Variants in CIAO3 observed in about 807,000 individuals in gnomAD.
CIAO3 encodes the protein cytosolic iron-sulfur assembly component 3.
CIAO3 carries 45 observed loss-of-function variants against 51.5 expected under a neutral mutation model. The ratio of observed to expected loss-of-function variants is 0.87; its 90% CI spans 0.69 to 1.12. The LOEUF is 1.12. CIAO3 is among the 50% of genes most tolerant of loss of function. The probability of loss-of-function intolerance (pLI) is 0.00; values close to 1 mark genes in which losing one functional copy is unlikely to be tolerated. For missense variants in CIAO3, 668 were observed against 632.5 expected (o/e 1.06, Z -0.60); for synonymous variants, 314 against 269.3 (o/e 1.17, Z -1.63).
At chr16:738,247 C>T in intron 2 of CIAO3, 1 of 987,942 alleles carries the variant, frequency 1.0e-6, no homozygotes, top group Non-Finnish European at 1.2e-6. Context: ...TGGGCTGGGC[C>T]CCCAGTGCTG....
At chr16:734,083 C>T (rs1189462806) in intron 6 of CIAO3, 146 bp downstream of exon 6, 3 of 725,276 alleles carry the variant, frequency 4.1e-6, no homozygotes, top group Non-Finnish European at 7.2e-6. Flanking sequence ...GGGCCTGAAC[C>T]AGGAGGGAAC....
intron 3 of CIAO3, 31 bp from the exon 4 acceptor site, chr16:736,429 C>CCTTA: frequency 6.2e-7 from 1 of 1,611,662 alleles, no homozygotes; most frequent in Non-Finnish European, 8.5e-7. Flanking sequence ...GCTGCTTACT[C>CCTTA]TGCTGGCCTT....
chr16:731,192 A>C, intron 9 of CIAO3, 192 bp from the exon 10 acceptor site: 1 of 729,282 alleles, frequency 1.4e-6, no homozygotes, highest in East Asian at 2.7e-5. Context: ...CCAGCAGGGG[A>C]CCTCACCTCC....
rs1387098436 is a variant in CIAO3 at position 737,068 on chromosome 16, A to C, written c.306+118T>G. ...CCAAGATTCCAAGCCTCAAAAAGGC[A>C]GGCGCCACCCGCACGACGGACGTCG... On this transcript the variant is annotated intron_variant, in intron 3 of 10. Coordinates refer to ENST00000251588, the MANE Select transcript of CIAO3 (RefSeq NM_022493.3). This position sits in a 1 kb window ranked among gnomAD's most constrained non-coding sequence, Gnocchi z 5.3. 9 of 1,336,392 alleles carry C rather than the reference A, an allele frequency of 6.7e-6. No homozygotes were observed. The African/African-American group carries it at 1.2e-4, about 17-fold the overall frequency. 82.8% of individuals were successfully genotyped at this position (1,336,392 alleles called of 1,614,324 possible).
chr16:738,886 C>T (rs1205919018), intron 2 of CIAO3, among the ~76,000 whole-genome samples: 1 of 150,384 alleles, frequency 6.6e-6, no homozygotes, highest in African/African-American at 2.4e-5. Context: ...TGATCCGCCC[C>T]CCCTACCCTG....
chr16:732,635 TCTG>T lies in CIAO3; in HGVS notation c.824-265_824-263del, dbSNP rs763394671. The T allele has an allele frequency of 2.5e-4, 137 of 542,042 alleles. 2 individuals carry two copies. Among genetic ancestry groups the T allele is most frequent in the South Asian group, 2.3e-3 (135 of 57,932 alleles). The allele number at this position is 542,042 out of a possible 1,614,324, so 33.6% of individuals were successfully genotyped here. ...TCCATCTGTCCATCCTCTTAGGCAG[TCTG>T]CTTTTCTTTTTTTTTTGAGACGGAG... On this transcript the variant is annotated intron_variant, in intron 7 of 10. Coordinates refer to ENST00000251588, the MANE Select transcript of CIAO3 (RefSeq NM_022493.3).
chr16:738,810 A>G (rs560569331), intron 2 of CIAO3, among the ~76,000 whole-genome samples: 1 of 144,638 alleles, frequency 6.9e-6, no homozygotes, highest in Admixed American at 6.9e-5. Context: ...ACGACACCCA[A>G]CTAATTTTTG....
rs1350206136 is a variant in CIAO3, at chr16:737,661, A to G, written c.163-332T>C. On this transcript the variant is annotated intron_variant, in intron 2 of 10. Transcript: ENST00000251588. This position sits in a 1 kb window ranked among gnomAD's most constrained non-coding sequence, Gnocchi z 5.3. Reference sequence around the variant, plus strand: ...GGTGCTGGCCCCGGTGCACACTCACAGGGCTGTAGGGCAGGAAAATGCCGA... The same window carrying G: ...GGTGCTGGCCCCGGTGCACACTCACGGGGCTGTAGGGCAGGAAAATGCCGA... 9.8e-6 allele frequency: 13 copies of G among 1,330,134 alleles called. No individual in the cohort carries two copies. Among genetic ancestry groups the G allele is most frequent in the Admixed American group, 2.2e-5 (1 of 44,570 alleles). 82.4% of individuals were successfully genotyped at this position (1,330,134 alleles called of 1,614,324 possible). A position where few individuals can be genotyped will look rare whatever the true frequency, so the allele number is the denominator to read the frequency against.
chr16:736,041 T>C (rs2041333639), intron 4 of CIAO3, among the ~76,000 whole-genome samples: 1 of 152,256 alleles, frequency 6.6e-6, no homozygotes. Context: ...AGCCCCAGCT[T>C]AGAGAAAGTG....
Position 730,137 on chromosome 16 carries a change from G to T in CIAO3, c.*280C>A. 1 of 540,502 alleles carries T rather than the reference G, an allele frequency of 1.9e-6. No individual in the cohort carries two copies. The highest frequency in any genetic ancestry group is 3.3e-6 in the Non-Finnish European group (1 of 301,944). 33.5% of individuals were successfully genotyped at this position (540,502 alleles called of 1,614,324 possible). A position where few individuals can be genotyped will look rare whatever the true frequency, so the allele number is the denominator to read the frequency against. On this transcript the variant is annotated 3_prime_UTR_variant, in exon 11 of 11. Coordinates refer to ENST00000251588, the MANE Select transcript of CIAO3 (RefSeq NM_022493.3). ...AGCAGCAGCAAGGGCAGCACCTGTGGGCCTCGGCCCAGGGCCAACGGAACA... is the reference window on the plus strand; with the variant it reads ...AGCAGCAGCAAGGGCAGCACCTGTGTGCCTCGGCCCAGGGCCAACGGAACA...
chr16:740,072 G>A, intron 1 of CIAO3: 10 of 1,364,512 alleles, frequency 7.3e-6, no homozygotes, highest in Non-Finnish European at 9.6e-6. Context: ...GACCAGAGTT[G>A]CACTGCCCAT....
At position 734,758 on chromosome 16, in the gene CIAO3, G is replaced by T; in HGVS notation, c.553C>A (p.Leu185Met). ...GQADCRQALP[L>M]LASACPGWIC... ...ACACCTGGGCAGGCAGAGGCCAGCAGGGGCAGCGCCTGTCTGCAGTCGGCC... is the reference window on the plus strand; with the variant it reads ...ACACCTGGGCAGGCAGAGGCCAGCATGGGCAGCGCCTGTCTGCAGTCGGCC... The change falls in exon 5 of 11, where the codon CTG becomes ATG. Residue 185 changes from leucine (L) to methionine (M), a missense_variant. By Grantham distance (15) the Leu-to-Met change is conservative (BLOSUM62 2). Coordinates refer to ENST00000251588, the MANE Select transcript of CIAO3 (RefSeq NM_022493.3). 6.2e-7 allele frequency: 1 copy of T among 1,612,494 alleles called. No individual in the cohort carries two copies. Among genetic ancestry groups the T allele is most frequent in the Non-Finnish European group, 8.5e-7 (1 of 1,179,596 alleles).
rs375287525 is a variant in CIAO3, at chr16:732,506, G to A, written c.824-133C>T. 98 of 1,018,728 alleles carry A rather than the reference G, an allele frequency of 9.6e-5. No homozygotes were observed. In the African/African-American group the frequency reaches 1.1e-3, roughly 11 times the overall value. 63.1% of individuals were successfully genotyped at this position (1,018,728 alleles called of 1,614,324 possible). A position where few individuals can be genotyped will look rare whatever the true frequency, so the allele number is the denominator to read the frequency against. ...AGGCCCCAAATGTCCACCCTAGCCCGTGGTGGGGAGGCCAGGCCCGGTCAC... is the reference window on the plus strand; with the variant it reads ...AGGCCCCAAATGTCCACCCTAGCCCATGGTGGGGAGGCCAGGCCCGGTCAC... On this transcript the variant is annotated intron_variant, in intron 7 of 10. Transcript: ENST00000251588.
chr16:737,385 A>G lies in CIAO3; in HGVS notation c.163-56T>C, dbSNP rs1177848504. On this transcript the variant is annotated intron_variant, in intron 2 of 10. Transcript: ENST00000251588. The surrounding 1 kb of genome is among the most constrained non-coding windows in gnomAD (Gnocchi z 5.3). ...GCCCCCTCTGCACGAGGACATGGAG[A>G]CAGAGGATAGTGGAGTCCAGCTCAT... The G allele has an allele frequency of 2.0e-5, 32 of 1,607,446 alleles. No homozygotes were observed. Among genetic ancestry groups the G allele is most frequent in the Non-Finnish European group, 2.7e-5 (32 of 1,176,686 alleles).
chr16:732,018 G>GGATTACATGGGATTA (rs1211151807), intron 8 of CIAO3: 5 of 522,932 alleles, frequency 9.6e-6, no homozygotes, highest in African/African-American at 9.5e-5. Flanking sequence ...ACAGGGCCTG[G>GGATTACATGGGATTA]CATGGATTAC....
At chr16:735,177 G>T in intron 4 of CIAO3, 1 of 351,344 alleles carries the variant, frequency 2.8e-6, no homozygotes, top group Non-Finnish European at 5.2e-6. Context: ...AGCGTGGCTG[G>T]TCCAGGGAAT....
chr16:730,300 G>A lies in CIAO3; in HGVS notation c.*117C>T. The A allele has an allele frequency of 9.4e-7, 1 of 1,069,292 alleles. No individual in the cohort carries two copies. Among genetic ancestry groups the A allele is most frequent in the Non-Finnish European group, 1.4e-6 (1 of 725,806 alleles). The allele number at this position is 1,069,292 out of a possible 1,614,324, so 66.2% of individuals were successfully genotyped here. On this transcript the variant is annotated 3_prime_UTR_variant, in exon 11 of 11. Transcript: ENST00000251588. ...CTGGCTAGTCCTAGCTCCTACTCGG[G>A]TCCCAGCACACCCTGCAGCTCACTC... is the stretch of plus-strand genomic sequence containing the variant.
In CIAO3 at chr16:732,213, G is replaced by A. The variant is rs1006548709; in HGVS notation, c.896+88C>T. ...TTCTGTGGACGCCAAGATGGGCTGC[G>A]GGGAGGCAAGCCCAGAGCAGGGGGA... On this transcript the variant is annotated intron_variant, in intron 8 of 10. Transcript: ENST00000251588. 6.0e-5 allele frequency: 82 copies of A among 1,372,168 alleles called. No homozygotes were observed. The Admixed American group carries it at 1.4e-3, about 24-fold the overall frequency. The allele number at this position is 1,372,168 out of a possible 1,614,324, so 85.0% of individuals were successfully genotyped here. A position where few individuals can be genotyped will look rare whatever the true frequency, so the allele number is the denominator to read the frequency against.
chr16:740,710 C>T (rs1370680015), intron 1 of CIAO3: 1 of 559,412 alleles, frequency 1.8e-6, no homozygotes, highest in Admixed American at 3.4e-5. Context: ...GGGGCGCCGC[C>T]CTCCCTGGCC....
Sources: gnomAD v4.1 joint callset for allele counts (sites outside exome capture counted in the v4.1 genomes callset) on GRCh38, gnomAD v4.1.1 for gene constraint, Gnocchi (gnomAD v3.1) non-coding constraint, MANE v1.5 for transcripts, NCBI Gene and HGNC (gene_info 2026-07-23, HGNC 2026-07-21) for gene names.